CSNK2A2IP: variants seen among roughly 807,000 people sequenced by gnomAD.
The protein encoded by CSNK2A2IP is casein kinase II subunit alpha'-interacting protein.
the CSNK2A2IP span, among the ~76,000 whole-genome samples, chr3:88,344,365 A>G: frequency 6.6e-6 from 1 of 151,826 alleles, no homozygotes; most frequent in Non-Finnish European, 1.5e-5. Context: ...TTGTTTTAAA[A>G]TTTTCCATTT....
the CSNK2A2IP span, among the ~76,000 whole-genome samples, chr3:88,386,904 G>A: frequency 6.6e-6 from 1 of 152,154 alleles, no homozygotes; most frequent in Non-Finnish European, 1.5e-5. Flanking sequence ...CATGAATAAA[G>A]ATGTCACCAC....
At chr3:88,461,720 T>A in the CSNK2A2IP span, among the ~76,000 whole-genome samples, 1 of 152,170 alleles carries the variant, frequency 6.6e-6, no homozygotes, top group Non-Finnish European at 1.5e-5. Flanking sequence ...AGTCACATTC[T>A]GATAATGTGT....
chr3:88,409,677 T>A, the CSNK2A2IP span, among the ~76,000 whole-genome samples: 1 of 152,160 alleles, frequency 6.6e-6, no homozygotes, highest in East Asian at 1.9e-4. Flanking sequence ...TATTTGTGAG[T>A]TGGATATGAT....
chr3:88,375,513 G>C, the CSNK2A2IP span, among the ~76,000 whole-genome samples: 1 of 151,676 alleles, frequency 6.6e-6, no homozygotes, highest in South Asian at 2.1e-4. Context: ...TGATAGGTCT[G>C]TCAGTGATCT....
chr3:88,438,501 C>A, the CSNK2A2IP span, among the ~76,000 whole-genome samples: 1,275 of 152,146 alleles, frequency 8.4e-3, 13 homozygotes, highest in African/African-American at 0.029. Context: ...TAAGTGCTTC[C>A]CCTAAAAAAA....
chr3:88,389,946 T>G, the CSNK2A2IP span, among the ~76,000 whole-genome samples: 1 of 152,118 alleles, frequency 6.6e-6, no homozygotes, highest in Non-Finnish European at 1.5e-5. Context: ...ACTTCCTTTC[T>G]TCCAAGAAAA....
chr3:88,366,706 T>A, the CSNK2A2IP span, among the ~76,000 whole-genome samples: 25 of 152,170 alleles, frequency 1.6e-4, no homozygotes, highest in Admixed American at 1.6e-3. Flanking sequence ...GGGCAAAATA[T>A]GTAATTGGAG....
the CSNK2A2IP span, among the ~76,000 whole-genome samples, chr3:88,352,203 ACTCTCT>A: frequency 2.0e-5 from 3 of 151,984 alleles, no homozygotes; most frequent in African/African-American, 7.2e-5. Flanking sequence ...GTTCATGTTA[ACTCTCT>A]CTCTCATCTA....
the CSNK2A2IP span, among the ~76,000 whole-genome samples, chr3:88,417,909 C>A: frequency 6.6e-6 from 1 of 152,166 alleles, no homozygotes; most frequent in Non-Finnish European, 1.5e-5. Flanking sequence ...ACCATAAAAT[C>A]ATTTCTGGTA....
the CSNK2A2IP span, among the ~76,000 whole-genome samples, chr3:88,391,934 G>T: frequency 6.6e-6 from 1 of 152,196 alleles, no homozygotes; most frequent in Non-Finnish European, 1.5e-5. Context: ...CTGAGTGGTT[G>T]CAGTGAGAAT....
the CSNK2A2IP span, among the ~76,000 whole-genome samples, chr3:88,454,965 A>ACT: frequency 6.6e-6 from 1 of 151,044 alleles, no homozygotes; most frequent in Non-Finnish European, 1.5e-5. Flanking sequence ...GGTTTCACAT[A>ACT]TAAGTGAGAT....
At chr3:88,450,813 A>T in the CSNK2A2IP span, among the ~76,000 whole-genome samples, 1 of 152,268 alleles carries the variant, frequency 6.6e-6, no homozygotes, top group African/African-American at 2.4e-5. Context: ...CAATGAACAT[A>T]AGCAGGTAGG....
At chr3:88,355,382 C>T in the CSNK2A2IP span, among the ~76,000 whole-genome samples, 1 of 151,988 alleles carries the variant, frequency 6.6e-6, no homozygotes, top group Non-Finnish European at 1.5e-5. Context: ...AGCTCCTGCC[C>T]AGAGTCTGCA....
the CSNK2A2IP span, among the ~76,000 whole-genome samples, chr3:88,424,902 A>G: frequency 5.3e-5 from 8 of 152,120 alleles, no homozygotes; most frequent in Non-Finnish European, 1.2e-4. Context: ...GGATAATTGA[A>G]TAATATTGAC....
At chr3:88,445,904 TTTC>T in the CSNK2A2IP span, among the ~76,000 whole-genome samples, 115 of 151,578 alleles carry the variant, frequency 7.6e-4, no homozygotes, top group African/African-American at 2.7e-3. Context: ...TCTTTCTTTC[TTTC>T]TTCTTTCTCT....
At chr3:88,397,060 A>AAAT in the CSNK2A2IP span, among the ~76,000 whole-genome samples, 9 of 152,198 alleles carry the variant, frequency 5.9e-5, no homozygotes, top group Non-Finnish European at 1.2e-4. Context: ...AGGGCATGTG[A>AAAT]AATAGATATA....
At chr3:88,418,952 C>T in the CSNK2A2IP span, among the ~76,000 whole-genome samples, 1 of 152,114 alleles carries the variant, frequency 6.6e-6, no homozygotes, top group Non-Finnish European at 1.5e-5. Context: ...TCAGCAGTGG[C>T]TTTAGATTCT....
chr3:88,416,124 A>G, the CSNK2A2IP span, among the ~76,000 whole-genome samples: 1 of 151,938 alleles, frequency 6.6e-6, no homozygotes, highest in East Asian at 1.9e-4. Flanking sequence ...TAGAAAAATT[A>G]GCCTGGTGTG....
At chr3:88,401,829 G>A in the CSNK2A2IP span, among the ~76,000 whole-genome samples, 1 of 152,020 alleles carries the variant, frequency 6.6e-6, no homozygotes. Context: ...AAGGATATGT[G>A]GGAGAGCAGG....
Sources: allele counts gnomAD v4.1 joint callset (sites outside exome capture counted in the v4.1 genomes callset), GRCh38; gene constraint gnomAD v4.1.1; transcripts MANE v1.5; gene names NCBI Gene and HGNC (gene_info 2026-07-23, HGNC 2026-07-21).